The following ACACA variants were observed in gnomAD, a reference collection of about 807,000 sequenced individuals.
ACACA encodes the protein acetyl-CoA carboxylase 1.
In ACACA, 103 loss-of-function variants were observed where a neutral mutation model predicts 296.1. That is an observed-to-expected ratio of 0.35 (90% CI 0.30 to 0.41). The LOEUF is 0.41. Among genes scored for constraint, ACACA ranks in the 10% least tolerant of loss-of-function variants. ACACA has a pLI of 1.00. For missense variants in ACACA, 1,554 were observed against 2,989.7 expected (o/e 0.52, Z 11.20); for synonymous variants, 953 against 1,038.6 (o/e 0.92, Z 1.58).
intron 3 of ACACA, among the ~76,000 whole-genome samples, chr17:37,293,653 C>T (rs1319953951): frequency 6.6e-6 from 1 of 151,462 alleles, no homozygotes; most frequent in African/African-American, 2.4e-5. Context: ...AGCAATTCTC[C>T]AGCCTCAGCC....
chr17:37,270,502 C>A (rs896650835), intron 10 of ACACA, among the ~76,000 whole-genome samples: 3 of 152,084 alleles, frequency 2.0e-5, no homozygotes, highest in African/African-American at 7.2e-5. Flanking sequence ...AAACTGAGCA[C>A]GTTTATATAA....
At chr17:37,181,071 A>G (rs2077299845) in intron 40 of ACACA, 130 bp downstream of exon 40, 6 of 982,440 alleles carry the variant, frequency 6.1e-6, no homozygotes, top group Non-Finnish European at 8.1e-6. Context: ...AATGAAATAG[A>G]AATGAAAACA....
intron 24 of ACACA, among the ~76,000 whole-genome samples, chr17:37,237,426 T>C (rs2080163997): frequency 6.6e-6 from 1 of 152,244 alleles, no homozygotes; most frequent in Non-Finnish European, 1.5e-5. Context: ...AGTTCAACTT[T>C]ATTAGGTACT....
intron 1 of ACACA, among the ~76,000 whole-genome samples, chr17:37,355,690 T>C (rs573237849): frequency 2.6e-5 from 4 of 151,646 alleles, no homozygotes; most frequent in Non-Finnish European, 5.9e-5. Context: ...ACCCCATCTC[T>C]ACTAAAAATA....
chr17:37,266,493 G>A (rs2081783695), intron 10 of ACACA, among the ~76,000 whole-genome samples: 1 of 150,930 alleles, frequency 6.6e-6, no homozygotes, highest in South Asian at 2.1e-4. Flanking sequence ...ATACTTAGAA[G>A]CATCTTTCTA....
intron 1 of ACACA, among the ~76,000 whole-genome samples, chr17:37,370,406 G>T (rs180950450): frequency 6.1e-4 from 92 of 151,224 alleles, no homozygotes; most frequent in African/African-American, 2.1e-3. Flanking sequence ...TAGCACTTTG[G>T]GAGGCCAAGG....
At chr17:37,139,251 T>C (rs2075460446) in intron 45 of ACACA, among the ~76,000 whole-genome samples, 1 of 152,160 alleles carries the variant, frequency 6.6e-6, no homozygotes, top group Non-Finnish European at 1.5e-5. Context: ...AGTGGGCCCT[T>C]AGCTTGAGTT....
intron 42 of ACACA, among the ~76,000 whole-genome samples, chr17:37,157,579 A>T (rs2144321177): frequency 8.5e-6 from 1 of 117,966 alleles, no homozygotes; most frequent in African/African-American, 3.5e-5. Flanking sequence ...TCTGTCACCC[A>T]GGCAGGAGTG....
chr17:37,125,833 G>T, intron 47 of ACACA, 39 bp from the exon 48 acceptor site: 1 of 1,531,340 alleles, frequency 6.5e-7, no homozygotes, highest in Non-Finnish European at 9.0e-7. Context: ...AATAAGGACA[G>T]TGAATCCATT....
At chr17:37,159,015 G>A (rs1050016082) in intron 42 of ACACA, among the ~76,000 whole-genome samples, 1 of 151,746 alleles carries the variant, frequency 6.6e-6, no homozygotes, top group Non-Finnish European at 1.5e-5. Context: ...TTGTCTTTAT[G>A]AAAAATAATA....
At chr17:37,318,595 A>G (rs1164838411) in intron 3 of ACACA, among the ~76,000 whole-genome samples, 1 of 152,224 alleles carries the variant, frequency 6.6e-6, no homozygotes, top group African/African-American at 2.4e-5. Flanking sequence ...TATTGATAGT[A>G]TATATTTGCC....
chr17:37,113,398 T>A lies in ACACA; in HGVS notation c.6275-133A>T. The A allele has an allele frequency of 1.2e-6, 1 of 852,080 alleles. No homozygotes were observed. Among genetic ancestry groups the A allele is most frequent in the Non-Finnish European group, 1.9e-6 (1 of 517,548 alleles). 52.8% of individuals were successfully genotyped at this position (852,080 alleles called of 1,614,324 possible). On this transcript the variant is annotated intron_variant, in intron 50 of 55. Coordinates refer to ENST00000616317, the MANE Select transcript of ACACA (RefSeq NM_198834.3). This position sits in a 1 kb window ranked among gnomAD's most constrained non-coding sequence, Gnocchi z 4.0. ...CCTCCTGTTTGGCCACCCTATAGAC[T>A]AAAGGGAGTATCGACCTGTATCCCA...
chr17:37,206,982 G>C, intron 31 of ACACA, 103 bp from the exon 32 acceptor site: 5 of 1,075,098 alleles, frequency 4.7e-6, no homozygotes, highest in Non-Finnish European at 7.0e-6. Context: ...CTTAGCCTGG[G>C]CTCAATAGTT....
rs374911261 is a variant in ACACA, at chr17:37,186,873, CAG to C, written c.4776+1402_4776+1403del. Among the ~76,000 whole-genome samples the C allele has an allele frequency of 3.4e-4, 50 of 148,806 alleles. 1 individual carries two copies. The East Asian group carries it at 5.3e-3, about 16-fold the overall frequency. On this transcript the variant is annotated intron_variant, in intron 39 of 55. Coordinates refer to ENST00000616317, the MANE Select transcript of ACACA (RefSeq NM_198834.3). ...CCATTAGCTAGCATGAGGGAAATCT[CAG>C]AGTTTCCTAATAAAGGAAAGGAAAA... is the stretch of plus-strand genomic sequence containing the variant.
intron 45 of ACACA, among the ~76,000 whole-genome samples, chr17:37,130,997 C>A (rs953954222): frequency 4.0e-5 from 6 of 151,854 alleles, no homozygotes; most frequent in African/African-American, 1.5e-4. Context: ...CTGGCCTCCA[C>A]GCACAAGCCC....
At chr17:37,402,636 C>G (rs900768174) in intron 1 of ACACA, among the ~76,000 whole-genome samples, 1 of 152,030 alleles carries the variant, frequency 6.6e-6, no homozygotes. Context: ...TCAGTGAAAG[C>G]ATAGAGTATG....
chr17:37,287,569 T>TAAAAAAA (rs1170331801), intron 3 of ACACA, among the ~76,000 whole-genome samples: 8 of 69,910 alleles, frequency 1.1e-4, no homozygotes, highest in Non-Finnish European at 1.4e-4. Context: ...ACGTCTCTAC[T>TAAAAAAA]AAAAAAAAAA....
At chr17:37,213,044 G>A (rs976295600) in intron 29 of ACACA, among the ~76,000 whole-genome samples, 10 of 151,926 alleles carry the variant, frequency 6.6e-5, no homozygotes, top group African/African-American at 1.7e-4. Flanking sequence ...TAGGCCGGGC[G>A]CAGTGGCTCA....
intron 25 of ACACA, among the ~76,000 whole-genome samples, chr17:37,234,374 C>A (rs970648364): frequency 2.0e-5 from 3 of 152,182 alleles, no homozygotes; most frequent in Non-Finnish European, 2.9e-5. Context: ...TAGCTCTCAT[C>A]AAACTTACCA....
Sources: gnomAD v4.1 joint callset for allele counts (sites outside exome capture counted in the v4.1 genomes callset) on GRCh38, gnomAD v4.1.1 for gene constraint, Gnocchi (gnomAD v3.1) non-coding constraint, MANE v1.5 for transcripts, NCBI Gene and HGNC (gene_info 2026-07-23, HGNC 2026-07-21) for gene names.